The following PDE10A variants were observed in gnomAD, a reference collection of about 807,000 sequenced individuals.
The protein encoded by PDE10A is cAMP and cAMP-inhibited cGMP 3',5'-cyclic phosphodiesterase 10A.
Under a neutral mutation model 97.7 loss-of-function variants are expected in PDE10A, and 39 were observed. The observed-to-expected ratio is 0.40, with a 90% CI of 0.31 to 0.52. PDE10A has a LOEUF of 0.52. Ranked by LOEUF, PDE10A falls within the 20% of genes least tolerant of loss-of-function variation. The pLI, the probability that PDE10A is intolerant of heterozygous loss-of-function variation, is 0.56. For synonymous variants in PDE10A, 371 were observed against 376.8 expected, an observed-to-expected ratio of 0.98 and a Z score of 0.18; for missense variants, 731 against 1,047.8, an observed-to-expected ratio of 0.70 and a Z score of 4.17.
intron 1 of PDE10A, among the ~76,000 whole-genome samples, chr6:165,973,597 G>A (rs1784761438): frequency 6.6e-6 from 1 of 151,432 alleles, no homozygotes; most frequent in Non-Finnish European, 1.5e-5. Flanking sequence ...TCTGAAGAAA[G>A]ACTCAGTTGT....
In PDE10A at chr6:165,343,361, TCTATGTCAATATAAGA is replaced by T; in HGVS notation, c.2895+14_2895+29del. 7.3e-7 allele frequency: 1 copy of T among 1,378,890 alleles called. No individual in the cohort carries two copies. The highest frequency in any genetic ancestry group is 1.2e-5 in the South Asian group (1 of 86,340). The allele number at this position is 1,378,890 out of a possible 1,614,324, so 85.4% of individuals were successfully genotyped here. ...CCATACGTTTTATTTCTCCTCACTA[TCTATGTCAATATAAGA>T]ATCAAGGACATACCTCAGCCCAGAA... On this transcript the variant is annotated intron_variant, in intron 19 of 21. Coordinates refer to ENST00000539869, the MANE Select transcript of PDE10A (RefSeq NM_001385079.1).
intron 1 of PDE10A, among the ~76,000 whole-genome samples, chr6:165,649,987 G>A (rs549145211): frequency 6.6e-6 from 1 of 152,332 alleles, no homozygotes; most frequent in East Asian, 1.9e-4. Flanking sequence ...CATGACGTCA[G>A]AAAAGAGCTG....
intron 1 of PDE10A, among the ~76,000 whole-genome samples, chr6:165,967,676 G>A (rs1562333045): frequency 6.6e-6 from 1 of 152,186 alleles, no homozygotes; most frequent in South Asian, 2.1e-4. Flanking sequence ...AGTGTCTTGG[G>A]CATTTTCCTT....
chr6:165,364,128 T>G (rs1258218381), intron 18 of PDE10A, among the ~76,000 whole-genome samples: 1 of 152,208 alleles, frequency 6.6e-6, no homozygotes, highest in Non-Finnish European at 1.5e-5. Context: ...TATTTGTAAC[T>G]CTAGATAATA....
intron 1 of PDE10A, among the ~76,000 whole-genome samples, chr6:165,591,945 A>C (rs999110341): frequency 3.3e-5 from 5 of 152,224 alleles, no homozygotes; most frequent in Admixed American, 6.5e-5. Context: ...TAGCATATGA[A>C]AAACACTCCC....
chr6:165,646,062 CTCA>C (rs941322678), intron 1 of PDE10A, among the ~76,000 whole-genome samples: 21 of 152,284 alleles, frequency 1.4e-4, no homozygotes, highest in South Asian at 1.2e-3. Context: ...CTTGAGCCTT[CTCA>C]GGAAAATGGG....
chr6:165,362,810 C>T (rs1450343506), intron 18 of PDE10A, among the ~76,000 whole-genome samples: 1 of 152,112 alleles, frequency 6.6e-6, no homozygotes, highest in Non-Finnish European at 1.5e-5. Flanking sequence ...CACTAATGTC[C>T]TCAACGAAAT....
intron 10 of PDE10A, among the ~76,000 whole-genome samples, chr6:165,424,353 C>G (rs1788958824): frequency 6.6e-6 from 1 of 152,148 alleles, no homozygotes; most frequent in Non-Finnish European, 1.5e-5. Context: ...GGGTTTTGCT[C>G]ACCATTTGAT....
intron 1 of PDE10A, among the ~76,000 whole-genome samples, chr6:165,935,049 T>C (rs1411135633): frequency 6.6e-6 from 1 of 152,224 alleles, no homozygotes; most frequent in African/African-American, 2.4e-5. Context: ...TCAGACGTAG[T>C]TCCTTCCCCC....
At chr6:165,339,472 T>C in intron 19 of PDE10A, 114 bp from the exon 20 acceptor site, 3 of 716,384 alleles carry the variant, frequency 4.2e-6, no homozygotes, top group Non-Finnish European at 7.2e-6. Context: ...AAATAATGTT[T>C]GTGGTTGTTA....
chr6:165,376,476 G>A (rs114151481), intron 18 of PDE10A, among the ~76,000 whole-genome samples: 1 of 152,220 alleles, frequency 6.6e-6, no homozygotes, highest in Non-Finnish European at 1.5e-5. Flanking sequence ...CAGGGGCAGG[G>A]TCTGAGAGGA....
intron 1 of PDE10A, among the ~76,000 whole-genome samples, chr6:165,848,918 G>A (rs1192594325): frequency 6.6e-6 from 1 of 152,172 alleles, no homozygotes; most frequent in Admixed American, 6.5e-5. Flanking sequence ...GTCTCTGGAA[G>A]GAGCCAGCCT....
At chr6:165,367,872 G>A (rs1057095032) in intron 18 of PDE10A, among the ~76,000 whole-genome samples, 2 of 152,110 alleles carry the variant, frequency 1.3e-5, no homozygotes, top group Non-Finnish European at 2.9e-5. Flanking sequence ...ACTGAGAGAT[G>A]TTAAAGGAGG....
At chr6:165,967,487 G>A (rs1355388383) in intron 1 of PDE10A, among the ~76,000 whole-genome samples, 2 of 152,166 alleles carry the variant, frequency 1.3e-5, no homozygotes, top group African/African-American at 4.8e-5. Flanking sequence ...ACAGGAGCAC[G>A]AAACTCTGTC....
At chr6:165,848,044 A>G (rs1211880878) in intron 1 of PDE10A, among the ~76,000 whole-genome samples, 3 of 152,090 alleles carry the variant, frequency 2.0e-5, no homozygotes, top group African/African-American at 7.2e-5. Flanking sequence ...ATATTGCCAC[A>G]TTGAGTTTTG....
chr6:165,629,297 G>A (rs1348079062), intron 1 of PDE10A, among the ~76,000 whole-genome samples: 5 of 152,068 alleles, frequency 3.3e-5, no homozygotes, highest in African/African-American at 1.2e-4. Flanking sequence ...TAGAATTCCA[G>A]AAAATAGTGT....
At chr6:165,753,039 A>G (rs2128456395) in intron 1 of PDE10A, among the ~76,000 whole-genome samples, 1 of 152,344 alleles carries the variant, frequency 6.6e-6, no homozygotes, top group South Asian at 2.1e-4. Flanking sequence ...CAACGTATGC[A>G]TGTATCTATG....
intron 10 of PDE10A, among the ~76,000 whole-genome samples, chr6:165,424,236 A>G (rs527949884): frequency 6.6e-6 from 1 of 152,262 alleles, no homozygotes; most frequent in Non-Finnish European, 1.5e-5. Context: ...GGGCACTGTT[A>G]TGCTCCTTAA....
chr6:165,510,365 C>T (rs1227613730), intron 2 of PDE10A, among the ~76,000 whole-genome samples: 1 of 152,026 alleles, frequency 6.6e-6, no homozygotes, highest in Non-Finnish European at 1.5e-5. Flanking sequence ...CCTTGCATCC[C>T]TAGTATAAAT....
Sources: allele counts gnomAD v4.1 joint callset (sites outside exome capture counted in the v4.1 genomes callset), GRCh38; gene constraint gnomAD v4.1.1; transcripts MANE v1.5; gene names NCBI Gene and HGNC (gene_info 2026-07-23, HGNC 2026-07-21).